Variants in SSX2IP observed in about 807,000 individuals in gnomAD.
The protein encoded by SSX2IP is afadin- and alpha-actinin-binding protein.
In SSX2IP, 55 loss-of-function variants were observed where a neutral mutation model predicts 84.9. The ratio of observed to expected loss-of-function variants is 0.65; its 90% CI spans 0.52 to 0.81. The LOEUF (loss-of-function observed/expected upper bound fraction) is 0.81. SSX2IP is among the 30% of genes least tolerant of loss of function. SSX2IP has a pLI of 0.00. For missense variants in SSX2IP, 664 were observed against 705.2 expected (o/e 0.94, Z 0.66); for synonymous variants, 239 against 234.7 (o/e 1.02, Z -0.17).
chr1:84,671,745 T>G (rs966178104), intron 1 of SSX2IP, among the ~76,000 whole-genome samples: 1 of 152,206 alleles, frequency 6.6e-6, no homozygotes, highest in Non-Finnish European at 1.5e-5. Context: ...ATTCCCAGTG[T>G]TGGCAAAGAT....
intron 8 of SSX2IP, 53 bp downstream of exon 8, chr1:84,662,141 TTTAA>T: frequency 1.7e-6 from 2 of 1,208,200 alleles, no homozygotes; most frequent in Non-Finnish European, 2.3e-6. Flanking sequence ...TACCACATAT[TTTAA>T]TTATTCTTAT....
In SSX2IP at chr1:84,664,426, TA is replaced by T; in HGVS notation, c.663del (p.Asp221GlufsTer4). On this transcript the variant is annotated frameshift_variant, in exon 6 of 14. Coordinates refer to ENST00000342203, the MANE Select transcript of SSX2IP (RefSeq NM_001166293.2). LOFTEE classifies it high-confidence loss of function. ...TTTGCCAGCTGTTTACCTATTTTCT[TA>T]TCTTTCTTGTTCATAACAAGTTGAT... Reference protein sequence around the residue: ...RLHQLVMNKKDKKIAMDILNY... With the variant: ...RLHQLVMNKKXKKIAMDILNY... 1 of 1,580,298 alleles carries T rather than the reference TA, an allele frequency of 6.3e-7. No homozygotes were observed. Among genetic ancestry groups the T allele is most frequent in the Non-Finnish European group, 8.6e-7 (1 of 1,169,148 alleles).
At chr1:84,665,394 A>G (rs896328256) in intron 5 of SSX2IP, among the ~76,000 whole-genome samples, 2 of 152,200 alleles carry the variant, frequency 1.3e-5, no homozygotes, top group African/African-American at 4.8e-5. Context: ...AGGGCGCTTT[A>G]AAGAAATACA....
intron 1 of SSX2IP, among the ~76,000 whole-genome samples, chr1:84,688,522 C>T (rs1233329670): frequency 1.3e-5 from 2 of 152,200 alleles, no homozygotes; most frequent in Non-Finnish European, 2.9e-5. Flanking sequence ...GGGTATACTA[C>T]ATAAAAGGCA....
At position 84,664,473 on chromosome 1, in the gene SSX2IP, T is replaced by C. The variant is rs1043422471; in HGVS notation, c.617A>G (p.Asn206Ser). The change falls in exon 6 of 14, where the codon AAT (asparagine) becomes AGT (serine). Residue 206 changes from asparagine to serine, a missense_variant. Asn to Ser is a conservative substitution (Grantham distance 46). Transcript: ENST00000342203. ...TTGATGTAGACGTTCCTTCAGTTTA[T>C]TATATTCACGCTCTTTTCTCTTCAT... ...HDMKRKEREY[N>S]KLKERLHQLV... is the part of the protein sequence containing the mutation. 3 of 1,604,388 alleles carry C rather than the reference T, an allele frequency of 1.9e-6. No individual in the cohort carries two copies. The South Asian group carries it at 3.4e-5, about 18-fold the overall frequency.
chr1:84,681,634 T>C (rs1655093266), intron 1 of SSX2IP, among the ~76,000 whole-genome samples: 2 of 152,234 alleles, frequency 1.3e-5, no homozygotes, highest in African/African-American at 4.8e-5. Context: ...TGTAAAATTT[T>C]TAGCAGCAGA....
chr1:84,662,253 A>C lies in SSX2IP; in HGVS notation c.872T>G (p.Leu291Arg). 1 of 1,609,304 alleles carries C rather than the reference A, an allele frequency of 6.2e-7. No homozygotes were observed. Among genetic ancestry groups the C allele is most frequent in the Non-Finnish European group, 8.5e-7 (1 of 1,178,322 alleles). The change falls in exon 8 of 14, where the codon CTT (leucine) becomes CGT (arginine). Residue 291 changes from leucine (L) to arginine (R), a missense_variant. Transcript: ENST00000342203. ...LQQMKKEMISLLSPQKKKPRE... is the reference protein window; with the variant it reads ...LQQMKKEMISRLSPQKKKPRE... ...AGGTTTCTTCTTTTGGGGAGAAAGA[A>C]GAGAAATCATTTCCTTTTTCATTTG...
chr1:84,677,119 T>C (rs947822303), intron 1 of SSX2IP, among the ~76,000 whole-genome samples: 1 of 152,182 alleles, frequency 6.6e-6, no homozygotes, highest in African/African-American at 2.4e-5. Flanking sequence ...ATAATCAAAA[T>C]GATTTCCACT....
rs756236110 is a variant in SSX2IP at position 84,656,489 on chromosome 1, G to C, written c.1079-5C>G. On this transcript the variant is annotated splice_region_variant and splice_polypyrimidine_tract_variant and intron_variant, in intron 9 of 13. Transcript: ENST00000342203. ...CTTCCAGGTGTACCTTTGAAACTAAGACAAAATCAGTAAGTTGACATAGGT... is the reference window on the plus strand; with the variant it reads ...CTTCCAGGTGTACCTTTGAAACTAACACAAAATCAGTAAGTTGACATAGGT... The C allele has an allele frequency of 1.9e-6, 3 of 1,609,114 alleles. No homozygotes were observed. The Admixed American group carries it at 5.0e-5, about 27-fold the overall frequency.
chr1:84,650,409 AG>A lies in SSX2IP; in HGVS notation c.1622del (p.Pro541LeufsTer22). 6.2e-7 allele frequency: 1 copy of A among 1,614,226 alleles called. No homozygotes were observed. The highest frequency in any genetic ancestry group is 8.5e-7 in the Non-Finnish European group (1 of 1,180,046). ...GTGTCTGGCAAAAGTCTGAAGTGGA[AG>A]GTGAAGCAGGAAGAGATTTAGTAAG... Reference protein sequence around the residue: ...SKLTKSLPASPSTSDFCQTRS... With the variant: ...SKLTKSLPASXSTSDFCQTRS... On this transcript the variant is annotated frameshift_variant, in exon 13 of 14. Coordinates refer to ENST00000342203, the MANE Select transcript of SSX2IP (RefSeq NM_001166293.2). LOFTEE classifies it high-confidence loss of function.
Position 84,662,384 on chromosome 1 carries a change from G to T in SSX2IP, c.750-9C>A. The T allele has an allele frequency of 2.5e-6, 4 of 1,606,844 alleles. No homozygotes were observed. Among genetic ancestry groups the T allele is most frequent in the Non-Finnish European group, 3.4e-6 (4 of 1,177,186 alleles). ...ACATTTCATCTTCATTCCTGAGAAA[G>T]AAACTGTCAGTATGAAAATGCAGGA... On this transcript the variant is annotated splice_polypyrimidine_tract_variant and intron_variant, in intron 7 of 13. Coordinates refer to ENST00000342203, the MANE Select transcript of SSX2IP (RefSeq NM_001166293.2).
intron 1 of SSX2IP, among the ~76,000 whole-genome samples, chr1:84,688,451 T>G (rs1656097217): frequency 1.3e-5 from 2 of 152,230 alleles, no homozygotes; most frequent in Admixed American, 1.3e-4. Context: ...TTAAGCATGT[T>G]AAATGAATTA....
rs866583898 is a variant in SSX2IP, at chr1:84,645,786, G to C, written c.*1647C>G. The C allele has an allele frequency of 6.6e-6, 1 of 152,068 alleles. No individual in the cohort carries two copies. Among genetic ancestry groups the C allele is most frequent in the Non-Finnish European group, 1.5e-5 (1 of 68,012 alleles). The allele number at this position is 152,068 out of a possible 1,614,324, so 9.4% of individuals were successfully genotyped here. ...TCCTTTAGCATATGGTAGTGTCTTCGATATTTTGTACAATGTGTAGTATTT... is the reference window on the plus strand; with the variant it reads ...TCCTTTAGCATATGGTAGTGTCTTCCATATTTTGTACAATGTGTAGTATTT... On this transcript the variant is annotated 3_prime_UTR_variant, in exon 14 of 14. Transcript: ENST00000342203.
At chr1:84,659,610 C>A (rs1336272565) in intron 8 of SSX2IP, among the ~76,000 whole-genome samples, 1 of 151,710 alleles carries the variant, frequency 6.6e-6, no homozygotes, top group Non-Finnish European at 1.5e-5. Context: ...CCATCCTGTC[C>A]AACATGGTGA....
intron 1 of SSX2IP, among the ~76,000 whole-genome samples, chr1:84,675,672 C>T (rs1195642580): frequency 1.3e-5 from 2 of 152,186 alleles, no homozygotes; most frequent in Non-Finnish European, 2.9e-5. Context: ...CTCTGCTTAC[C>T]TGAGACAAAT....
chr1:84,647,657 G>T (rs770064741), intron 13 of SSX2IP, 50 bp from the exon 14 acceptor site: 3 of 1,329,164 alleles, frequency 2.3e-6, no homozygotes, highest in Non-Finnish European at 3.0e-6. Flanking sequence ...TCCTTCTTTT[G>T]TACTTTAACC....
chr1:84,686,184 T>G (rs1655760908), intron 1 of SSX2IP, among the ~76,000 whole-genome samples: 1 of 152,332 alleles, frequency 6.6e-6, no homozygotes, highest in South Asian at 2.1e-4. Context: ...TTATCTTAAT[T>G]TTTAAAATTT....
At chr1:84,689,858 C>T (rs1160223736) in intron 1 of SSX2IP, among the ~76,000 whole-genome samples, 2 of 152,254 alleles carry the variant, frequency 1.3e-5, no homozygotes, top group African/African-American at 4.8e-5. Context: ...TTTTACTAGA[C>T]CACTATCGGG....
chr1:84,647,352 C>G lies in SSX2IP; in HGVS notation c.*81G>C. The G allele has an allele frequency of 7.9e-7, 1 of 1,272,970 alleles. No individual in the cohort carries two copies. 78.9% of individuals were successfully genotyped at this position (1,272,970 alleles called of 1,614,324 possible). A position where few individuals can be genotyped will look rare whatever the true frequency, so the allele number is the denominator to read the frequency against. On this transcript the variant is annotated 3_prime_UTR_variant, in exon 14 of 14. Transcript: ENST00000342203. ...GACCATCTTAAGTTATTAGAGATAA[C>G]TGACTTTATGACACACCCTGTTTCA...
Sources: allele counts gnomAD v4.1 joint callset (sites outside exome capture counted in the v4.1 genomes callset), GRCh38; gene constraint gnomAD v4.1.1; transcripts MANE v1.5; gene names NCBI Gene and HGNC (gene_info 2026-07-23, HGNC 2026-07-21).